The following SAMD5 variants were observed in gnomAD, a reference collection of about 807,000 sequenced individuals.
SAMD5 encodes sterile alpha motif domain containing 5.
A neutral mutation model predicts 11.3 loss-of-function variants in SAMD5; 13 were observed. The ratio of observed to expected loss-of-function variants is 1.15; its 90% CI spans 0.75 to 1.83. SAMD5 has a LOEUF of 1.83. Among genes scored for constraint, SAMD5 ranks in the 40% most tolerant of loss-of-function variants. The pLI is 0.00. For synonymous variants in SAMD5, 129 were observed against 111.3 expected (o/e 1.16, Z -1.00); for missense variants, 255 against 239.1 (o/e 1.07, Z -0.44).
chr6:147,618,444 G>A (rs935976107), intron 1 of SAMD5, among the ~76,000 whole-genome samples: 4 of 152,226 alleles, frequency 2.6e-5, no homozygotes, highest in Non-Finnish European at 5.9e-5. Flanking sequence ...AGGTGGGGCT[G>A]ATTGGAGCCT....
chr6:147,622,622 C>A (rs920077582), intron 1 of SAMD5, among the ~76,000 whole-genome samples: 2 of 152,204 alleles, frequency 1.3e-5, no homozygotes, highest in Non-Finnish European at 1.5e-5. Context: ...TATTTCCTGT[C>A]ACTCATCCCT....
At chr6:147,723,101 G>T (rs945768416) in intron 1 of SAMD5, among the ~76,000 whole-genome samples, 13 of 152,168 alleles carry the variant, frequency 8.5e-5, no homozygotes, top group African/African-American at 2.9e-4. Flanking sequence ...TAAGTACTCA[G>T]CCCATGTTAG....
chr6:147,918,734 G>C, the SAMD5 span, among the ~76,000 whole-genome samples: 5 of 127,482 alleles, frequency 3.9e-5, no homozygotes, highest in Admixed American at 9.9e-5. Context: ...GTCTCGCTCT[G>C]TTGCCCAGGC....
chr6:147,693,370 A>G (rs1791130631), intron 1 of SAMD5, among the ~76,000 whole-genome samples: 1 of 152,182 alleles, frequency 6.6e-6, no homozygotes, highest in African/African-American at 2.4e-5. Context: ...AGCTGTCAGG[A>G]CGCTGACAGG....
the SAMD5 span, among the ~76,000 whole-genome samples, chr6:147,925,780 C>T: frequency 1.3e-5 from 2 of 150,900 alleles, no homozygotes; most frequent in Non-Finnish European, 2.9e-5. Context: ...ATTTCATCAC[C>T]CTGATACTAA....
At chr6:147,639,878 A>ATT (rs146559836) in intron 1 of SAMD5, among the ~76,000 whole-genome samples, 522 of 150,728 alleles carry the variant, frequency 3.5e-3, no homozygotes, top group African/African-American at 0.012. Context: ...TCTAATTGAG[A>ATT]TTTTTTTTTT....
intron 1 of SAMD5, among the ~76,000 whole-genome samples, chr6:147,521,831 T>C (rs1293938778): frequency 6.6e-6 from 1 of 151,862 alleles, no homozygotes; most frequent in Non-Finnish European, 1.5e-5. Flanking sequence ...GTTCTTGTCA[T>C]AATTTTAAAA....
chr6:147,555,774 C>T (rs1221546742), intron 1 of SAMD5, among the ~76,000 whole-genome samples: 1 of 152,116 alleles, frequency 6.6e-6, no homozygotes, highest in Non-Finnish European at 1.5e-5. Context: ...TCAAATTTCA[C>T]ATGGCAAGTG....
At chr6:147,763,965 C>T in the SAMD5 span, among the ~76,000 whole-genome samples, 92 of 152,314 alleles carry the variant, frequency 6.0e-4, no homozygotes, top group East Asian at 0.014. Context: ...TTCCTCTAGT[C>T]CTGACTTGGG....
In SAMD5 at chr6:147,565,024, T is replaced by C. The variant is rs1467968526; in HGVS notation, c.*568T>C. ...CTTATTTTAAGGTGCTTTTATATAG[T>C]TATTTTGTATATTGGTACAATGTTA... On this transcript the variant is annotated 3_prime_UTR_variant, in exon 2 of 2. Coordinates refer to ENST00000367474, the MANE Select transcript of SAMD5 (RefSeq NM_001030060.3). 1 of 941,506 alleles carries C rather than the reference T, an allele frequency of 1.1e-6. No homozygotes were observed. The highest frequency in any genetic ancestry group is 1.3e-6 in the Non-Finnish European group (1 of 790,358). The allele number at this position is 941,506 out of a possible 1,614,324, so 58.3% of individuals were successfully genotyped here.
intron 1 of SAMD5, among the ~76,000 whole-genome samples, chr6:147,535,740 T>C (rs2128441544): frequency 1.3e-5 from 2 of 152,322 alleles, no homozygotes; most frequent in Non-Finnish European, 2.9e-5. Context: ...CCATGGTTTG[T>C]ATCCTTAAAT....
intron 1 of SAMD5, among the ~76,000 whole-genome samples, chr6:147,563,037 C>T (rs992685104): frequency 2.4e-4 from 36 of 152,150 alleles, no homozygotes; most frequent in African/African-American, 7.7e-4. Context: ...TTTATTTTGG[C>T]GACTATTTGA....
chr6:147,512,842 A>G (rs151101785), intron 1 of SAMD5, among the ~76,000 whole-genome samples: 1 of 152,312 alleles, frequency 6.6e-6, no homozygotes, highest in African/African-American at 2.4e-5. Flanking sequence ...TTAAAATGGA[A>G]TGAACAATAA....
chr6:147,527,082 T>C (rs6901081), intron 1 of SAMD5, among the ~76,000 whole-genome samples: 16,460 of 152,280 alleles, frequency 0.11, 1,929 homozygotes, highest in African/African-American at 0.29. Flanking sequence ...AAGCTTTGGA[T>C]TGAAAAGCTT....
intron 1 of SAMD5, among the ~76,000 whole-genome samples, chr6:147,560,875 G>A (rs1788936670): frequency 6.6e-6 from 1 of 152,218 alleles, no homozygotes; most frequent in African/African-American, 2.4e-5. Context: ...CCCCATAAAA[G>A]CCTAGAACAA....
At chr6:147,876,855 T>C in the SAMD5 span, among the ~76,000 whole-genome samples, 9 of 152,352 alleles carry the variant, frequency 5.9e-5, no homozygotes, top group East Asian at 1.3e-3. Flanking sequence ...TCACTGGCCC[T>C]GTCAGGGACT....
chr6:147,609,985 G>C (rs1231513591), intron 1 of SAMD5, among the ~76,000 whole-genome samples: 1 of 152,026 alleles, frequency 6.6e-6, no homozygotes, highest in Non-Finnish European at 1.5e-5. Flanking sequence ...ACAACTTGTT[G>C]TCTCTTTTGT....
At chr6:147,694,094 A>G (rs1156743805) in intron 1 of SAMD5, among the ~76,000 whole-genome samples, 1 of 152,218 alleles carries the variant, frequency 6.6e-6, no homozygotes, top group Non-Finnish European at 1.5e-5. Flanking sequence ...TGAAGAGACA[A>G]CAAGAAGTGA....
At chr6:147,691,998 CCT>C (rs1491081446) in intron 1 of SAMD5, among the ~76,000 whole-genome samples, 4 of 152,114 alleles carry the variant, frequency 2.6e-5, no homozygotes, top group Non-Finnish European at 1.5e-5. Context: ...CACACACCCC[CCT>C]GATTGAGTGC....
Sources: allele counts gnomAD v4.1 joint callset (sites outside exome capture counted in the v4.1 genomes callset), GRCh38; gene constraint gnomAD v4.1.1; transcripts MANE v1.5; gene names NCBI Gene and HGNC (gene_info 2026-07-23, HGNC 2026-07-21).